The following EOGT variants were observed in gnomAD, a reference collection of about 807,000 sequenced individuals.
EOGT encodes EGF domain-specific O-linked N-acetylglucosamine transferase.
A neutral mutation model predicts 70.5 loss-of-function variants in EOGT; 55 were observed. The ratio of observed to expected loss-of-function variants is 0.78; its 90% confidence interval spans 0.63 to 0.98. EOGT has a LOEUF of 0.98. Among genes scored for constraint, EOGT ranks in the 50% least tolerant of loss-of-function variants. The pLI, the probability that EOGT is intolerant of heterozygous loss-of-function variation, is 0.00. For synonymous variants in EOGT, 246 were observed against 217.1 expected (o/e 1.13, Z -1.17); for missense variants, 703 against 641.9 (o/e 1.10, Z -1.03).
At chr3:69,005,018 C>T in intron 7 of EOGT, 122 bp downstream of exon 7, 2 of 608,284 alleles carry the variant, frequency 3.3e-6, no homozygotes, top group East Asian at 2.8e-5. Flanking sequence ...GCCATGATTA[C>T]ACCGCTGCAC....
intron 11 of EOGT, 22 bp from the exon 12 acceptor site, chr3:68,988,599 A>G: frequency 6.9e-7 from 1 of 1,454,266 alleles, no homozygotes; most frequent in Non-Finnish European, 9.2e-7. Context: ...GATACATTAA[A>G]AGAAGATGTA....
intron 14 of EOGT, among the ~76,000 whole-genome samples, chr3:68,983,076 C>G (rs927722365): frequency 2.6e-5 from 4 of 152,052 alleles, no homozygotes; most frequent in African/African-American, 7.2e-5. Flanking sequence ...AAATCCAGGC[C>G]CCACCTGTGA....
intron 14 of EOGT, among the ~76,000 whole-genome samples, chr3:68,985,349 A>G (rs2107190750): frequency 6.6e-6 from 1 of 152,310 alleles, no homozygotes; most frequent in South Asian, 2.1e-4. Context: ...TCTGTAATCC[A>G]TATGGGTCTC....
chr3:68,981,597 T>G (rs1300636133), intron 15 of EOGT, among the ~76,000 whole-genome samples: 1 of 152,224 alleles, frequency 6.6e-6, no homozygotes, highest in African/African-American at 2.4e-5. Context: ...ACCAGGAAGA[T>G]GTAATTCTAG....
chr3:69,000,627 A>G (rs1245335363), intron 9 of EOGT, among the ~76,000 whole-genome samples: 1 of 152,156 alleles, frequency 6.6e-6, no homozygotes, highest in Non-Finnish European at 1.5e-5. Context: ...GAGGCTCTCT[A>G]TATTTCACTG....
chr3:69,004,373 C>T lies in EOGT; in HGVS notation c.620+5G>A. 1 of 1,606,464 alleles carries T rather than the reference C, an allele frequency of 6.2e-7. No individual in the cohort carries two copies. The highest frequency in any genetic ancestry group is 1.1e-5 in the South Asian group (1 of 90,274). ...TCCGAAACAGATACGTTAAAAATAT[C>T]TTACCATGACTGCAGAGGGCTTTTG... is the stretch of plus-strand genomic sequence containing the variant. On this transcript the variant is annotated splice_donor_5th_base_variant and intron_variant, in intron 8 of 17. Coordinates refer to ENST00000383701, the MANE Select transcript of EOGT (RefSeq NM_001278689.2).
chr3:68,988,090 T>C (rs964882622), intron 13 of EOGT, among the ~76,000 whole-genome samples: 1 of 152,214 alleles, frequency 6.6e-6, no homozygotes, highest in Non-Finnish European at 1.5e-5. Flanking sequence ...AATTTTTGTA[T>C]TTTTTGCAGA....
At position 68,977,776 on chromosome 3, in the gene EOGT, A is replaced by T. The variant is rs1483619248; in HGVS notation, c.1438-12T>A. Reference sequence around the variant, plus strand: ...GTTGGATGGTGGCCCTGTGAAAATAAACCAAAACACGAATCCATAACTCAA... The same window carrying T: ...GTTGGATGGTGGCCCTGTGAAAATATACCAAAACACGAATCCATAACTCAA... On this transcript the variant is annotated splice_polypyrimidine_tract_variant and intron_variant, in intron 17 of 17. Transcript: ENST00000383701. The T allele has an allele frequency of 6.2e-7, 1 of 1,605,448 alleles. No individual in the cohort carries two copies. Among genetic ancestry groups the T allele is most frequent in the Non-Finnish European group, 8.5e-7 (1 of 1,176,812 alleles).
intron 10 of EOGT, among the ~76,000 whole-genome samples, chr3:68,991,547 CACATA>C (rs1263281537): frequency 6.6e-6 from 1 of 152,102 alleles, no homozygotes; most frequent in Non-Finnish European, 1.5e-5. Flanking sequence ...AACAGAATAC[CACATA>C]ACATCTAAAG....
intron 10 of EOGT, among the ~76,000 whole-genome samples, chr3:68,996,608 G>A (rs2091155239): frequency 6.6e-6 from 1 of 152,196 alleles, no homozygotes; most frequent in South Asian, 2.1e-4. Flanking sequence ...CAGGATATGA[G>A]GCTCCTAAGC....
At chr3:68,997,667 C>A (rs1215075925) in intron 10 of EOGT, among the ~76,000 whole-genome samples, 1 of 152,196 alleles carries the variant, frequency 6.6e-6, no homozygotes, top group African/African-American at 2.4e-5. Flanking sequence ...CCACGCCCTG[C>A]TGAATGGCAG....
At chr3:68,986,745 C>T (rs983738520) in intron 14 of EOGT, among the ~76,000 whole-genome samples, 4 of 152,202 alleles carry the variant, frequency 2.6e-5, no homozygotes, top group Non-Finnish European at 5.9e-5. Context: ...TACTTATTGA[C>T]GTTTTCACTT....
At chr3:69,004,221 CT>C (rs1430738509) in intron 8 of EOGT, among the ~76,000 whole-genome samples, 156 bp downstream of exon 8, 3 of 152,204 alleles carry the variant, frequency 2.0e-5, no homozygotes, top group Non-Finnish European at 4.4e-5. Flanking sequence ...TCAGATGCAA[CT>C]GAGGGATTCA....
At chr3:68,984,498 A>C (rs17048257) in intron 14 of EOGT, among the ~76,000 whole-genome samples, 3 of 152,114 alleles carry the variant, frequency 2.0e-5, no homozygotes, top group South Asian at 2.1e-4. Context: ...TTCAAACCCT[A>C]AAGTTGGGCA....
In EOGT at chr3:69,001,693, A is replaced by C; in HGVS notation, c.642T>G (p.Tyr214Ter). The change falls in exon 9 of 18, where the codon TAT becomes TAG. Residue 214 changes from tyrosine to a stop codon, truncating the protein, a stop_gained. Coordinates refer to ENST00000383701, the MANE Select transcript of EOGT (RefSeq NM_001278689.2). LOFTEE classifies it high-confidence loss of function. ...LQSWFAELQS[Y>*]TQLNFRPIED... ...CTATAGGTCTGAAGTTGAGCTGAGT[A>C]TAGCTTTGTAGCTCAGCAAACCTGA... The C allele has an allele frequency of 6.2e-7, 1 of 1,610,976 alleles. No individual in the cohort carries two copies. The highest frequency in any genetic ancestry group is 8.5e-7 in the Non-Finnish European group (1 of 1,178,666).
chr3:69,009,716 TCTGGCAAGCGGATG>T lies in EOGT; in HGVS notation c.117_130del (p.Ser39ArgfsTer12). 6.2e-7 allele frequency: 1 copy of T among 1,614,082 alleles called. No homozygotes were observed. The highest frequency in any genetic ancestry group is 1.1e-5 in the South Asian group (1 of 91,090). On this transcript the variant is annotated frameshift_variant, in exon 4 of 18. Transcript: ENST00000383701. LOFTEE classifies it high-confidence loss of function. ...GTGCAAAAAGAAGGGAATGTGCTCC[TCTGGCAAGCGGATG>T]CTGGCATAGTTATACAGAGGTTCGC...
intron 6 of EOGT, among the ~76,000 whole-genome samples, chr3:69,006,381 G>A (rs1435854427): frequency 3.3e-5 from 5 of 152,094 alleles, no homozygotes; most frequent in African/African-American, 1.2e-4. Flanking sequence ...GCTCTATAAA[G>A]TATATACTCA....
chr3:69,001,253 C>T (rs9852766), intron 9 of EOGT, among the ~76,000 whole-genome samples: 3 of 152,038 alleles, frequency 2.0e-5, no homozygotes, highest in East Asian at 1.9e-4. Flanking sequence ...CCACCGCGCC[C>T]GGCTTAGCTT....
intron 13 of EOGT, 81 bp downstream of exon 13, chr3:68,988,214 T>C: frequency 2.0e-6 from 2 of 982,258 alleles, no homozygotes; most frequent in South Asian, 3.0e-5. Flanking sequence ...CCTGATTATT[T>C]CTGTTTCTGA....
Sources: gnomAD v4.1 joint callset for allele counts (sites outside exome capture counted in the v4.1 genomes callset) on GRCh38, gnomAD v4.1.1 for gene constraint, MANE v1.5 for transcripts, NCBI Gene and HGNC (gene_info 2026-07-23, HGNC 2026-07-21) for gene names.